Variants in RHBDD1 observed in about 807,000 individuals in gnomAD.
The protein encoded by RHBDD1 is rhomboid-related protein 4.
A neutral mutation model predicts 36.3 loss-of-function variants in RHBDD1; 38 were observed. The ratio of observed to expected loss-of-function variants is 1.05; its 90% CI spans 0.81 to 1.37. The LOEUF is 1.37. Among genes scored for constraint, RHBDD1 ranks in the 40% most tolerant of loss-of-function variants. The probability of loss-of-function intolerance (pLI) is 0.00; values close to 1 mark genes in which losing one functional copy is unlikely to be tolerated. For missense variants in RHBDD1, 393 were observed against 377.6 expected (o/e 1.04, Z -0.34); for synonymous variants, 151 against 136.5 (o/e 1.11, Z -0.74).
intron 8 of RHBDD1, among the ~76,000 whole-genome samples, chr2:226,987,352 T>A (rs933592277): frequency 5.3e-5 from 8 of 151,440 alleles, no homozygotes; most frequent in East Asian, 1.9e-4. Flanking sequence ...AAAAAAAAAA[T>A]TGGGATGGGA....
At chr2:226,925,400 A>G (rs753527881) in intron 8 of RHBDD1, among the ~76,000 whole-genome samples, 2 of 152,240 alleles carry the variant, frequency 1.3e-5, no homozygotes, top group Non-Finnish European at 2.9e-5. Flanking sequence ...TTAGGCATCT[A>G]TTAAAAATAA....
At chr2:226,817,266 A>C in the RHBDD1 span, among the ~76,000 whole-genome samples, 6 of 152,198 alleles carry the variant, frequency 3.9e-5, no homozygotes, top group East Asian at 1.2e-3. Context: ...CTTTTCTGAG[A>C]GCTAAAAGTT....
chr2:226,957,855 G>T (rs544364556), intron 8 of RHBDD1, among the ~76,000 whole-genome samples: 6 of 152,010 alleles, frequency 3.9e-5, no homozygotes, highest in Admixed American at 3.3e-4. Context: ...ACCACTTCAC[G>T]TCCACTAGGA....
chr2:226,862,666 A>G (rs541486806), intron 3 of RHBDD1, among the ~76,000 whole-genome samples: 111 of 152,296 alleles, frequency 7.3e-4, no homozygotes, highest in Non-Finnish European at 1.4e-3. Flanking sequence ...TCTCATGAGC[A>G]TGAAACAGTC....
At chr2:226,935,746 C>T (rs1950291584) in intron 8 of RHBDD1, among the ~76,000 whole-genome samples, 1 of 151,866 alleles carries the variant, frequency 6.6e-6, no homozygotes, top group Admixed American at 6.6e-5. Flanking sequence ...TGGGAGATGT[C>T]AGGAATGTGA....
At chr2:226,861,722 G>C (rs7599115) in intron 3 of RHBDD1, among the ~76,000 whole-genome samples, 5,649 of 151,546 alleles carry the variant, frequency 0.037, 359 homozygotes, top group African/African-American at 0.13. Flanking sequence ...AAATATTTCT[G>C]TGTGTGTGTG....
At chr2:226,946,091 T>C (rs1270992680) in intron 8 of RHBDD1, among the ~76,000 whole-genome samples, 2 of 152,138 alleles carry the variant, frequency 1.3e-5, no homozygotes, top group Non-Finnish European at 2.9e-5. Context: ...TCTCCCATCA[T>C]GTAGGTTGCC....
At position 226,908,809 on chromosome 2, in the gene RHBDD1, C is replaced by G. The variant is rs768241276; in HGVS notation, c.656-13C>G. 3.1e-6 allele frequency: 5 copies of G among 1,592,412 alleles called. No individual in the cohort carries two copies. The highest frequency in any genetic ancestry group is 4.3e-6 in the Non-Finnish European group (5 of 1,160,470). ...ATGGCTGCCATTAAAATGTTTATTT[C>G]TTTTACGTTTAGGCGGTTTTTCCTC... On this transcript the variant is annotated splice_polypyrimidine_tract_variant and intron_variant, in intron 6 of 8. Coordinates refer to ENST00000392062, the MANE Select transcript of RHBDD1 (RefSeq NM_001167608.3).
intron 8 of RHBDD1, among the ~76,000 whole-genome samples, chr2:226,938,311 G>A (rs1434714670): frequency 6.6e-6 from 1 of 151,772 alleles, no homozygotes; most frequent in Middle Eastern, 3.2e-3. Context: ...ATTTGTTTAA[G>A]TTCCTTATAG....
intron 8 of RHBDD1, among the ~76,000 whole-genome samples, chr2:226,963,615 G>A (rs1952391856): frequency 6.6e-6 from 1 of 151,892 alleles, no homozygotes; most frequent in Non-Finnish European, 1.5e-5. Context: ...TAGATTTCTG[G>A]TCCATATAAA....
chr2:226,864,559 ACTAATT>A (rs1349908429), intron 3 of RHBDD1, 39 bp from the exon 4 acceptor site: 6 of 715,160 alleles, frequency 8.4e-6, no homozygotes, highest in Non-Finnish European at 1.2e-5. Flanking sequence ...TTATATATGT[ACTAATT>A]CTTAATTGAT....
Position 226,982,877 on chromosome 2 carries a change from C to T in RHBDD1, c.857-12554C>T, listed in dbSNP as rs549708598. 3.3e-5 allele frequency among the ~76,000 whole-genome samples: 5 copies of T among 152,316 alleles called. No individual in the cohort carries two copies. The South Asian group carries it at 8.3e-4, about 25-fold the overall frequency. ...TGACACTGGGCCAGTTTCTTCTACT[C>T]CAGTGTCATCACAAATAGAATTTTA... On this transcript the variant is annotated intron_variant, in intron 8 of 8. Coordinates refer to ENST00000392062, the MANE Select transcript of RHBDD1 (RefSeq NM_001167608.3).
At chr2:226,852,708 A>G (rs898242034) in intron 3 of RHBDD1, among the ~76,000 whole-genome samples, 1 of 152,058 alleles carries the variant, frequency 6.6e-6, no homozygotes, top group Non-Finnish European at 1.5e-5. Flanking sequence ...AACAATATCT[A>G]ACTCAAAATT....
At chr2:226,975,767 T>G (rs962595571) in intron 8 of RHBDD1, among the ~76,000 whole-genome samples, 7 of 152,208 alleles carry the variant, frequency 4.6e-5, no homozygotes, top group South Asian at 2.1e-4. Context: ...TATTAAAAGT[T>G]ATGATGATGC....
chr2:226,820,991 C>T, the RHBDD1 span, among the ~76,000 whole-genome samples: 22 of 152,278 alleles, frequency 1.4e-4, no homozygotes, highest in Non-Finnish European at 2.6e-4. Context: ...CTCTGTTCCT[C>T]CAGGCTTCTG....
At chr2:226,834,164 G>A (rs1382099352), upstream of RHBDD1, among the ~76,000 whole-genome samples, 1 of 152,016 alleles carries the variant, frequency 6.6e-6, no homozygotes, top group Non-Finnish European at 1.5e-5. Flanking sequence ...TGTATTATAC[G>A]GACAAGAAAA....
the RHBDD1 span, among the ~76,000 whole-genome samples, chr2:226,821,066 T>C: frequency 4.6e-5 from 7 of 152,114 alleles, no homozygotes; most frequent in East Asian, 1.9e-4. Context: ...AAGCAGAAAA[T>C]TGAATATGAA....
chr2:226,864,784 A>G lies in RHBDD1; in HGVS notation c.91A>G (p.Thr31Ala). Residue 31 changes from threonine to alanine, a missense_variant, in exon 4 of 9, where the codon ACC becomes GCC. Transcript: ENST00000392062. ...HVGINNIPPV[T>A]LATLALNIWF... ...TGGGATCAACAATATTCCACCTGTC[A>G]CCCTAGCAACTTTGGCCCTCAACAT... The G allele has an allele frequency of 6.2e-7, 1 of 1,614,080 alleles. No homozygotes were observed. Among genetic ancestry groups the G allele is most frequent in the Non-Finnish European group, 8.5e-7 (1 of 1,180,014 alleles).
At chr2:226,993,872 C>A (rs1039014599) in intron 8 of RHBDD1, among the ~76,000 whole-genome samples, 1 of 152,206 alleles carries the variant, frequency 6.6e-6, no homozygotes, top group Non-Finnish European at 1.5e-5. Context: ...TTAACAGTTG[C>A]CATGTCAGCT....
Sources: allele counts gnomAD v4.1 joint callset (sites outside exome capture counted in the v4.1 genomes callset), GRCh38; gene constraint gnomAD v4.1.1; transcripts MANE v1.5; gene names NCBI Gene and HGNC (gene_info 2026-07-23, HGNC 2026-07-21).